The following GTF3C1 variants were observed in gnomAD, a reference collection of about 807,000 sequenced individuals.
The protein encoded by GTF3C1 is general transcription factor 3C polypeptide 1.
In GTF3C1, 57 loss-of-function variants were observed where a neutral mutation model predicts 226.7. That is an observed-to-expected ratio of 0.25 (90% CI 0.20 to 0.31). GTF3C1 has a LOEUF of 0.31. GTF3C1 is among the 10% of genes least tolerant of loss of function. The pLI, the probability that GTF3C1 is intolerant of heterozygous loss-of-function variation, is 1.00. For missense variants in GTF3C1, 2,217 were observed against 2,776.1 expected, an observed-to-expected ratio of 0.80 and a Z score of 4.53; for synonymous variants, 1,090 against 1,084.8, an observed-to-expected ratio of 1.00 and a Z score of -0.09.
intron 27 of GTF3C1, among the ~76,000 whole-genome samples, chr16:27,479,308 C>T (rs906494208): frequency 2.7e-5 from 4 of 147,010 alleles, no homozygotes; most frequent in African/African-American, 7.7e-5. Context: ...GAATTACAAA[C>T]CATTTCCCCA....
intron 7 of GTF3C1, among the ~76,000 whole-genome samples, chr16:27,510,424 G>A (rs574345491): frequency 6.6e-6 from 1 of 151,880 alleles, no homozygotes; most frequent in African/African-American, 2.4e-5. Flanking sequence ...GGGCACAGTG[G>A]TACATGCCTG....
At chr16:27,473,771 C>T (rs979280590) in intron 29 of GTF3C1, among the ~76,000 whole-genome samples, 3 of 152,188 alleles carry the variant, frequency 2.0e-5, no homozygotes, top group South Asian at 2.1e-4. Context: ...AGCACCTGTG[C>T]GCCAGTCCTG....
At chr16:27,478,001 C>T (rs1015354888) in intron 28 of GTF3C1, among the ~76,000 whole-genome samples, 3 of 152,086 alleles carry the variant, frequency 2.0e-5, no homozygotes, top group Admixed American at 6.5e-5. Flanking sequence ...AAAACCCCGT[C>T]TCTACTAAAA....
intron 6 of GTF3C1, among the ~76,000 whole-genome samples, chr16:27,520,781 G>A (rs1463216396): frequency 6.6e-6 from 1 of 152,062 alleles, no homozygotes; most frequent in Non-Finnish European, 1.5e-5. Context: ...GAACAGAGGT[G>A]TGATCTCAGC....
At chr16:27,508,785 ATT>A (rs2088527023) in intron 7 of GTF3C1, 130 bp from the exon 8 acceptor site, 1 of 664,882 alleles carries the variant, frequency 1.5e-6, no homozygotes, top group African/African-American at 1.8e-5. Flanking sequence ...AACATACGCC[ATT>A]TCTCTCCCTT....
At position 27,509,114 on chromosome 16, in the gene GTF3C1, CAG is replaced by C. The variant is rs1261891759; in HGVS notation, c.1127-461_1127-460del. 2.0e-5 allele frequency among the ~76,000 whole-genome samples: 3 copies of C among 152,188 alleles called. No individual in the cohort carries two copies. In the East Asian group the frequency reaches 5.8e-4, roughly 29 times the overall value. ...ATTTCCCAGTATTTCTTGATAGACA[CAG>C]AGGCATTGTGGACACTGACTACTGC... On this transcript the variant is annotated intron_variant, in intron 7 of 36. Coordinates refer to ENST00000356183, the MANE Select transcript of GTF3C1 (RefSeq NM_001520.4).
Position 27,461,145 on chromosome 16 carries a change from G to C in GTF3C1, c.*205C>G, listed in dbSNP as rs1054054649. 1.9e-6 allele frequency: 1 copy of C among 535,126 alleles called. No homozygotes were observed. Among genetic ancestry groups the C allele is most frequent in the Non-Finnish European group, 3.3e-6 (1 of 298,784 alleles). 33.1% of individuals were successfully genotyped at this position (535,126 alleles called of 1,614,324 possible). A position where few individuals can be genotyped will look rare whatever the true frequency, so the allele number is the denominator to read the frequency against. On this transcript the variant is annotated 3_prime_UTR_variant, in exon 37 of 37. Transcript: ENST00000356183. The surrounding 1 kb of genome is among the most constrained non-coding windows in gnomAD (Gnocchi z 5.3). The stretch of plus-strand genomic sequence containing the variant: ...CAAGGGGAAGGCCCAGAAGAGCCTG[G>C]GGGATGGGCAGGTCGGGGAGCCCCT...
chr16:27,537,117 T>C (rs979519829), intron 4 of GTF3C1, among the ~76,000 whole-genome samples: 2 of 152,202 alleles, frequency 1.3e-5, no homozygotes, highest in Non-Finnish European at 2.9e-5. Flanking sequence ...ATCTTGTCCA[T>C]ATAGGTTATT....
chr16:27,514,942 A>G (rs1478093492), intron 6 of GTF3C1, among the ~76,000 whole-genome samples: 1 of 152,128 alleles, frequency 6.6e-6, no homozygotes, highest in East Asian at 1.9e-4. Context: ...GCAGCACGAC[A>G]CAGCACTTGG....
At position 27,484,267 on chromosome 16, in the gene GTF3C1, G is replaced by A. The variant is rs756138741; in HGVS notation, c.3945C>T (p.Ser1315=). ...CTATGTAGCGAGCTCTTCGTCCAAC[G>A]GAATGAGATGTTTTATCCAAAGACT... ...FEESLDKTSH[S]VGRRARYIVK... Residue 1315 remains serine, a synonymous_variant, in exon 25 of 37, where the codon TCC becomes TCT. Transcript: ENST00000356183. 6.2e-6 allele frequency: 10 copies of A among 1,606,740 alleles called. No individual in the cohort carries two copies. Among genetic ancestry groups the A allele is most frequent in the South Asian group, 5.5e-5 (5 of 90,938 alleles).
chr16:27,512,722 G>A (rs758825275), intron 6 of GTF3C1, among the ~76,000 whole-genome samples: 7 of 152,176 alleles, frequency 4.6e-5, no homozygotes, highest in East Asian at 3.8e-4. Context: ...AAAGATATAC[G>A]TATATGTAGG....
intron 2 of GTF3C1, among the ~76,000 whole-genome samples, chr16:27,543,108 A>G (rs1462282256): frequency 1.3e-5 from 2 of 152,176 alleles, no homozygotes; most frequent in African/African-American, 4.8e-5. Flanking sequence ...TTTCTTGACC[A>G]GGCATGGTGG....
At chr16:27,485,923 G>A in intron 24 of GTF3C1, 74 bp downstream of exon 24, 1 of 961,374 alleles carries the variant, frequency 1.0e-6, no homozygotes, top group Non-Finnish European at 1.6e-6. Context: ...CTGGCTGGGA[G>A]TCCCCGGAAG....
At chr16:27,495,574 C>A in intron 14 of GTF3C1, 82 bp from the exon 15 acceptor site, 2 of 1,288,336 alleles carry the variant, frequency 1.6e-6, no homozygotes, top group South Asian at 1.4e-5. Context: ...TGATTGAGTG[C>A]CACTATGTGC....
intron 6 of GTF3C1, among the ~76,000 whole-genome samples, chr16:27,517,322 G>A (rs1347784680): frequency 6.6e-6 from 1 of 152,130 alleles, no homozygotes. Context: ...TTTTGAAGGT[G>A]CCTGTTCCAG....
intron 10 of GTF3C1, 39 bp from the exon 11 acceptor site, chr16:27,503,034 G>C: frequency 6.3e-7 from 1 of 1,575,570 alleles, no homozygotes. Context: ...CAATGGGCTC[G>C]GCAAGGCTTG....
chr16:27,512,579 C>T (rs1204735575), intron 6 of GTF3C1, among the ~76,000 whole-genome samples: 1 of 152,214 alleles, frequency 6.6e-6, no homozygotes. Flanking sequence ...GGCATACCTA[C>T]CAGCCATCTC....
Position 27,462,248 on chromosome 16 carries a change from C to G in GTF3C1, c.6117+46G>C. The G allele has an allele frequency of 7.2e-7, 1 of 1,398,560 alleles. No individual in the cohort carries two copies. 86.6% of individuals were successfully genotyped at this position (1,398,560 alleles called of 1,614,324 possible). The stretch of plus-strand genomic sequence containing the variant: ...AACATCACAGCCGGGCCACTGAGTG[C>G]ACCCAGCCGCCTCCACACCCTGCTG... On this transcript the variant is annotated intron_variant, in intron 36 of 36. Coordinates refer to ENST00000356183, the MANE Select transcript of GTF3C1 (RefSeq NM_001520.4). This position sits in a 1 kb window ranked among gnomAD's most constrained non-coding sequence, Gnocchi z 4.5.
Position 27,471,875 on chromosome 16 carries a change from C to T in GTF3C1, c.4399G>A (p.Ala1467Thr), listed in dbSNP as rs570403368. 12 of 1,614,094 alleles carry T rather than the reference C, an allele frequency of 7.4e-6. No homozygotes were observed. The South Asian group carries it at 1.1e-4, about 15-fold the overall frequency. ...REYKDHVLVK[A>T]FMECQKRSLV... ...CTCCTCTTCTGGCACTCCATGAAGGCCTTCACAAGAACGTGGTCCTTGTAC... is the reference window on the plus strand; with the variant it reads ...CTCCTCTTCTGGCACTCCATGAAGGTCTTCACAAGAACGTGGTCCTTGTAC... The change falls in exon 30 of 37, where the codon GCC becomes ACC. Residue 1467 changes from alanine (A) to threonine (T), a missense_variant. Ala to Thr is a moderately conservative substitution (Grantham distance 58). This residue lies in a region of GTF3C1 where 546 missense variants were observed against 663.0 expected (regional missense o/e 0.82). Coordinates refer to ENST00000356183, the MANE Select transcript of GTF3C1 (RefSeq NM_001520.4). The surrounding 1 kb of genome is among the most constrained non-coding windows in gnomAD (Gnocchi z 5.0).
Sources: allele counts gnomAD v4.1 joint callset (sites outside exome capture counted in the v4.1 genomes callset), GRCh38; gene constraint gnomAD v4.1.1; regional missense constraint gnomAD v4.1.1; non-coding constraint Gnocchi (gnomAD v3.1); transcripts MANE v1.5; gene names NCBI Gene and HGNC (gene_info 2026-07-23, HGNC 2026-07-21).